Variants in COL4A5 observed in about 807,000 individuals in gnomAD.
COL4A5 encodes collagen alpha-5(IV) chain.
In COL4A5, 26 loss-of-function variants were observed where a neutral mutation model predicts 130.2. The observed-to-expected ratio is 0.20, with a 90% CI of 0.15 to 0.28. The LOEUF (loss-of-function observed/expected upper bound fraction) is 0.28, where lower values mean the gene tolerates loss of function less well. Among genes scored for constraint, COL4A5 ranks in the 10% least tolerant of loss-of-function variants. The pLI, the probability that COL4A5 is intolerant of heterozygous loss-of-function variation, is 1.00. For missense variants in COL4A5, 1,131 were observed against 1,344.3 expected, an observed-to-expected ratio of 0.84 and a Z score of 2.48; for synonymous variants, 496 against 439.6, an observed-to-expected ratio of 1.13 and a Z score of -1.60.
chrX:108,580,604 T>C lies in COL4A5; in HGVS notation c.834+18T>C. On this transcript the variant is annotated intron_variant, in intron 14 of 52. Coordinates refer to ENST00000328300, the MANE Select transcript of COL4A5 (RefSeq NM_033380.3). ...GTCCTCCAGTAAGTACCTAAAGTGCTTTAGCATCATTTAATGTAAATTGGT... is the reference window on the plus strand; with the variant it reads ...GTCCTCCAGTAAGTACCTAAAGTGCCTTAGCATCATTTAATGTAAATTGGT... 8.3e-7 allele frequency: 1 copy of C among 1,201,739 alleles called. No individual in the cohort carries two copies. Among genetic ancestry groups the C allele is most frequent in the Non-Finnish European group, 1.1e-6 (1 of 886,515 alleles).
At chrX:108,502,023 A>G (rs1200422202) in intron 1 of COL4A5, among the ~76,000 whole-genome samples, 1 of 112,211 alleles carries the variant, frequency 8.9e-6, no homozygotes, top group Non-Finnish European at 1.9e-5. Flanking sequence ...AGTATAGACT[A>G]CAGCCAGGTT....
intron 1 of COL4A5, among the ~76,000 whole-genome samples, chrX:108,464,865 G>T (rs1464096269): frequency 8.9e-6 from 1 of 111,936 alleles, no homozygotes; most frequent in Non-Finnish European, 1.9e-5. Context: ...AGAAGTCTAG[G>T]TCCCAATTCA....
intron 1 of COL4A5, among the ~76,000 whole-genome samples, chrX:108,464,024 TATCGAGACTCTTCCACCTACCA>T (rs984185917): frequency 1.8e-5 from 2 of 111,983 alleles, no homozygotes; most frequent in African/African-American, 6.5e-5. Flanking sequence ...ACTCGACTTG[TATCGAGACTCTTCCACCTACCA>T]ATTGGGCTAA....
At chrX:108,483,743 A>G (rs1156599085) in intron 1 of COL4A5, among the ~76,000 whole-genome samples, 1 of 112,327 alleles carries the variant, frequency 8.9e-6, no homozygotes, top group Non-Finnish European at 1.9e-5. Flanking sequence ...CTGACAATGT[A>G]CAAGTGTTCC....
chrX:108,467,431 G>A (rs2064716760), intron 1 of COL4A5, among the ~76,000 whole-genome samples: 1 of 111,870 alleles, frequency 8.9e-6, no homozygotes, highest in Non-Finnish European at 1.9e-5. Flanking sequence ...ATCAGAAAGT[G>A]TGTGTCTTCC....
rs1035666089 is a variant in COL4A5 at position 108,551,776 on chromosome X, A to G, written c.142-7288A>G. On this transcript the variant is annotated intron_variant, in intron 2 of 52. Coordinates refer to ENST00000328300, the MANE Select transcript of COL4A5 (RefSeq NM_033380.3). ...ACACGTGCACTCATATGTTCATCAC[A>G]GCACTATTCACAATAGCAAAGATGG... is the stretch of plus-strand genomic sequence containing the variant. Among the ~76,000 whole-genome samples, 6 of 112,085 alleles carry G rather than the reference A, an allele frequency of 5.4e-5. No homozygotes were observed. In the East Asian group the frequency reaches 1.7e-3, roughly 31 times the overall value.
In COL4A5 at chrX:108,687,462, T is replaced by G; in HGVS notation, c.4316-20T>G. ...TCAGAGCTTACTTAATCTTGTATAC[T>G]GATTATTTCGTGGAAATAGGTACCC... On this transcript the variant is annotated intron_variant, in intron 48 of 52. Coordinates refer to ENST00000328300, the MANE Select transcript of COL4A5 (RefSeq NM_033380.3). The G allele has an allele frequency of 8.4e-7, 1 of 1,185,866 alleles. No individual in the cohort carries two copies. The highest frequency in any genetic ancestry group is 1.1e-6 in the Non-Finnish European group (1 of 871,863).
At position 108,487,937 on chromosome X, in the gene COL4A5, G is replaced by A. The variant is rs150120796; in HGVS notation, c.81+47731G>A. 2.5e-3 allele frequency among the ~76,000 whole-genome samples: 276 copies of A among 112,065 alleles called. 1 individual carries two copies. Among genetic ancestry groups the A allele is most frequent in the African/African-American group, 8.5e-3 (264 of 30,901 alleles). On this transcript the variant is annotated intron_variant, in intron 1 of 52. Transcript: ENST00000328300. ...GGTGTTTTTTAGACAGGGGAAATTA[G>A]GTGTAATAATTTCCTCTGAAAGGTG...
In COL4A5 at chrX:108,578,286, A is replaced by C; in HGVS notation, c.688-5A>C. 3 of 1,204,969 alleles carry C rather than the reference A, an allele frequency of 2.5e-6. No individual in the cohort carries two copies. Among genetic ancestry groups the C allele is most frequent in the Non-Finnish European group, 3.4e-6 (3 of 889,280 alleles). ...CACCACTGTCTTATTTTATCTTGCA[A>C]ACAGGGTGAGCAAGGTCTTCAGGGC... On this transcript the variant is annotated splice_region_variant and splice_polypyrimidine_tract_variant and intron_variant, in intron 12 of 52. Coordinates refer to ENST00000328300, the MANE Select transcript of COL4A5 (RefSeq NM_033380.3).
chrX:108,636,381 A>G (rs1412334224), intron 36 of COL4A5, among the ~76,000 whole-genome samples: 2 of 111,031 alleles, frequency 1.8e-5, no homozygotes, highest in African/African-American at 3.3e-5. Flanking sequence ...CTATATTAAA[A>G]TTCATTAGGT....
At chrX:108,650,372 T>G (rs1211266150) in intron 36 of COL4A5, among the ~76,000 whole-genome samples, 3 of 111,459 alleles carry the variant, frequency 2.7e-5, no homozygotes, top group Non-Finnish European at 5.7e-5. Context: ...TGGAGATTCC[T>G]TAAAGAACTA....
chrX:108,685,895 G>A (rs1020689236), intron 47 of COL4A5, 136 bp from the exon 48 acceptor site: 9 of 520,049 alleles, frequency 1.7e-5, no homozygotes, highest in Non-Finnish European at 2.7e-5. Flanking sequence ...CTGGACTTGA[G>A]TTATCTCTTC....
Position 108,548,438 on chromosome X carries a change from G to A in COL4A5, c.141+8633G>A, listed in dbSNP as rs187958161. ...AGCACTGAAGAGAAAATGAAAAAAA[G>A]AAAAAACAGAATAGGACCCCAGTGA... is the stretch of plus-strand genomic sequence containing the variant. On this transcript the variant is annotated intron_variant, in intron 2 of 52. Coordinates refer to ENST00000328300, the MANE Select transcript of COL4A5 (RefSeq NM_033380.3). 9.0e-5 allele frequency among the ~76,000 whole-genome samples: 10 copies of A among 110,963 alleles called. 1 individual carries two copies. In the Admixed American group the frequency reaches 9.6e-4, roughly 11 times the overall value.
At chrX:108,551,823 G>T (rs1343011362) in intron 2 of COL4A5, among the ~76,000 whole-genome samples, 1 of 111,836 alleles carries the variant, frequency 8.9e-6, no homozygotes, top group African/African-American at 3.2e-5. Context: ...ATGCCCATCA[G>T]TGGTGGACTA....
intron 2 of COL4A5, among the ~76,000 whole-genome samples, chrX:108,545,631 G>A (rs909094637): frequency 5.4e-5 from 6 of 111,438 alleles, no homozygotes; most frequent in African/African-American, 2.0e-4. Context: ...GGTCTGCTTG[G>A]TGCAGAGCTG....
chrX:108,544,645 C>CTT (rs770531604), intron 2 of COL4A5, among the ~76,000 whole-genome samples: 1 of 106,037 alleles, frequency 9.4e-6, no homozygotes, highest in African/African-American at 3.4e-5. Context: ...GGAGGATTCC[C>CTT]TTTTTTTTTT....
chrX:108,580,266 A>G (rs775575211), intron 13 of COL4A5, among the ~76,000 whole-genome samples: 45 of 111,376 alleles, frequency 4.0e-4, no homozygotes, highest in Middle Eastern at 4.6e-3. Flanking sequence ...TACTCTTAGT[A>G]GTCCCCAGTG....
At chrX:108,495,065 A>G (rs1281581942) in intron 1 of COL4A5, among the ~76,000 whole-genome samples, 2 of 111,828 alleles carry the variant, frequency 1.8e-5, no homozygotes, top group Non-Finnish European at 3.8e-5. Flanking sequence ...AGACCTTTAC[A>G]ATATGCCCAG....
intron 1 of COL4A5, among the ~76,000 whole-genome samples, chrX:108,489,886 G>A (rs1178433115): frequency 6.3e-5 from 7 of 111,932 alleles, no homozygotes; most frequent in Non-Finnish European, 1.1e-4. Flanking sequence ...TAATATTAAG[G>A]AATTTAGAAG....
Sources: allele counts gnomAD v4.1 joint callset (sites outside exome capture counted in the v4.1 genomes callset), GRCh38; gene constraint gnomAD v4.1.1; transcripts MANE v1.5; gene names NCBI Gene and HGNC (gene_info 2026-07-23, HGNC 2026-07-21).